The following KATNAL2 variants were observed in gnomAD, a reference collection of about 807,000 sequenced individuals.
KATNAL2 encodes the protein katanin catalytic subunit A1 like 2, also known as katanin p60 ATPase-containing subunit A-like 2.
In KATNAL2, 52 loss-of-function variants were observed where a neutral mutation model predicts 76.3. The ratio of observed to expected loss-of-function variants is 0.68; its 90% confidence interval spans 0.55 to 0.86. The LOEUF (loss-of-function observed/expected upper bound fraction) is 0.86. Ranked by LOEUF, KATNAL2 falls within the 40% of genes least tolerant of loss-of-function variation. The pLI, the probability that KATNAL2 is intolerant of heterozygous loss-of-function variation, is 0.00. For synonymous variants in KATNAL2, 243 were observed against 244.2 expected (o/e 1.00, Z 0.05); for missense variants, 660 against 668.9 (o/e 0.99, Z 0.15).
chr18:47,092,417 T>C (rs1225901099), intron 15 of KATNAL2, among the ~76,000 whole-genome samples: 1 of 152,130 alleles, frequency 6.6e-6, no homozygotes, highest in Non-Finnish European at 1.5e-5. Flanking sequence ...GAGAATTGCT[T>C]GAACCTGGGA....
At chr18:47,040,401 G>A (rs1359996751) in intron 3 of KATNAL2, among the ~76,000 whole-genome samples, 2 of 152,184 alleles carry the variant, frequency 1.3e-5, no homozygotes, top group Non-Finnish European at 2.9e-5. Context: ...CTCTGGTCTG[G>A]AGTGAATATA....
chr18:46,921,696 A>AC (rs891506834), intron 1 of KATNAL2, among the ~76,000 whole-genome samples: 1 of 148,238 alleles, frequency 6.7e-6, no homozygotes, highest in Non-Finnish European at 1.5e-5. Flanking sequence ...CACATAACAA[A>AC]AAAAAAAAAG....
intron 10 of KATNAL2, among the ~76,000 whole-genome samples, chr18:47,063,789 C>T (rs2061706903): frequency 6.6e-6 from 1 of 152,118 alleles, no homozygotes; most frequent in Admixed American, 6.5e-5. Context: ...ACACAATTAG[C>T]AGGAAAGACT....
intron 8 of KATNAL2, 119 bp downstream of exon 8, chr18:47,059,773 G>A: frequency 1.4e-6 from 1 of 730,330 alleles, no homozygotes; most frequent in South Asian, 1.7e-5. Flanking sequence ...TTTGAAGGTT[G>A]GCTGTGAGGT....
chr18:47,058,427 A>G (rs2061532988), intron 7 of KATNAL2, 75 bp downstream of exon 7: 2 of 869,118 alleles, frequency 2.3e-6, no homozygotes, highest in Non-Finnish European at 3.7e-6. Flanking sequence ...GGTCACATTT[A>G]TTTATTTTTT....
At position 46,935,012 on chromosome 18, in the gene KATNAL2, C is replaced by T. The variant is rs540713435; in HGVS notation, c.-509-11045C>T. Among the ~76,000 whole-genome samples the T allele has an allele frequency of 2.0e-5, 3 of 152,032 alleles. No homozygotes were observed. The South Asian group carries it at 6.2e-4, about 32-fold the overall frequency. ...ATAAATAATTTGCTCAAAAAATGAC[C>T]AGTATTTAGTCAAAAATTAGCAGAC... is the stretch of plus-strand genomic sequence containing the variant. On this transcript the variant is annotated intron_variant, in intron 1 of 17. Coordinates refer to ENST00000683218, the MANE Select transcript of KATNAL2 (RefSeq NM_001387690.1).
intron 3 of KATNAL2, among the ~76,000 whole-genome samples, chr18:46,948,667 A>G (rs1402139271): frequency 6.6e-6 from 1 of 151,974 alleles, no homozygotes; most frequent in Non-Finnish European, 1.5e-5. Context: ...ACCTCAGGTG[A>G]TCCGCCTGCC....
At chr18:47,031,438 G>T (rs563085980) in intron 3 of KATNAL2, among the ~76,000 whole-genome samples, 4 of 151,900 alleles carry the variant, frequency 2.6e-5, no homozygotes, top group Admixed American at 6.5e-5. Flanking sequence ...TGTGTGTGTT[G>T]TGGTGGGGGC....
intron 11 of KATNAL2, 125 bp from the exon 12 acceptor site, chr18:47,069,095 A>C: frequency 1.5e-6 from 1 of 670,764 alleles, no homozygotes. Context: ...ACCTTAAGCA[A>C]AAAAGGGAGC....
intron 7 of KATNAL2, 92 bp downstream of exon 7, chr18:47,058,444 C>G (rs559859237): frequency 6.7e-6 from 5 of 740,914 alleles, no homozygotes; most frequent in Admixed American, 2.4e-5. Flanking sequence ...TTTTGAGGAC[C>G]TACGCTTTTA....
chr18:46,950,983 G>A (rs900465218), intron 3 of KATNAL2, among the ~76,000 whole-genome samples: 2 of 151,836 alleles, frequency 1.3e-5, no homozygotes, highest in East Asian at 1.9e-4. Context: ...CGTGCCCGGC[G>A]ATGTTCATAC....
At chr18:46,928,669 C>T (rs1172967180) in intron 1 of KATNAL2, among the ~76,000 whole-genome samples, 3 of 152,178 alleles carry the variant, frequency 2.0e-5, no homozygotes, top group Admixed American at 2.0e-4. Context: ...GAGATGTGGA[C>T]CGGAGCTGTT....
At chr18:47,072,586 T>C (rs1399178164) in intron 13 of KATNAL2, among the ~76,000 whole-genome samples, 2 of 152,120 alleles carry the variant, frequency 1.3e-5, no homozygotes, top group Non-Finnish European at 2.9e-5. Flanking sequence ...GCTGAGACTA[T>C]AGGTGCACAC....
intron 1 of KATNAL2, among the ~76,000 whole-genome samples, chr18:46,930,149 T>G (rs570051666): frequency 1.3e-5 from 2 of 152,210 alleles, no homozygotes; most frequent in Admixed American, 6.5e-5. Context: ...GGTTAATAAC[T>G]TTTCAATGAT....
Position 47,058,252 on chromosome 18 carries a change from G to T in KATNAL2, c.350G>T (p.Cys117Phe). The T allele has an allele frequency of 6.2e-7, 1 of 1,613,534 alleles. No homozygotes were observed. Among genetic ancestry groups the T allele is most frequent in the South Asian group, 1.1e-5 (1 of 91,060 alleles). The part of the protein sequence containing the change: ...GKTRRMMNDS[C>F]QNLPKINQQR... The stretch of plus-strand genomic sequence containing the variant: ...TCCCTTAGGATGATGAACGACAGTT[G>T]TCAAAATCTTCCCAAGATCAATCAG... The change falls in exon 7 of 18, where the codon TGT becomes TTT. Residue 117 changes from cysteine (C) to phenylalanine (F), a missense_variant. By Grantham distance (205) the Cys-to-Phe change is radical. Transcript: ENST00000683218.
chr18:47,079,853 C>T (rs1054268968), intron 15 of KATNAL2, among the ~76,000 whole-genome samples: 8 of 152,114 alleles, frequency 5.3e-5, no homozygotes, highest in African/African-American at 1.7e-4. Flanking sequence ...ACTTCATAGG[C>T]GATGCTGTGC....
At position 47,033,564 on chromosome 18, in the gene KATNAL2, C is replaced by G. The variant is rs9950403; in HGVS notation, c.52-12893C>G. The G allele has an allele frequency of 1.1e-4, 184 of 1,614,176 alleles. No individual in the cohort carries two copies. The African/African-American group carries it at 2.0e-3, about 18-fold the overall frequency. ...CGTGATTGTCTTTCTTTCTGCGATA[C>G]AGCTGATCGGGCCTCCACCCTTCCA... On this transcript the variant is annotated intron_variant, in intron 3 of 17. Transcript: ENST00000683218.
In KATNAL2 at chr18:46,946,943, A is replaced by C. The variant is rs2059398098; in HGVS notation, c.51+20A>C. 6.9e-7 allele frequency: 1 copy of C among 1,448,572 alleles called. No homozygotes were observed. Among genetic ancestry groups the C allele is most frequent in the South Asian group, 1.2e-5 (1 of 82,360 alleles). 89.7% of individuals were successfully genotyped at this position (1,448,572 alleles called of 1,614,324 possible). A position where few individuals can be genotyped will look rare whatever the true frequency, so the allele number is the denominator to read the frequency against. ...GAAGCGGTAAGGAACGCATATATAA[A>C]ACATGATTATACCAAGAACCCCTCT... On this transcript the variant is annotated intron_variant, in intron 3 of 17. Coordinates refer to ENST00000683218, the MANE Select transcript of KATNAL2 (RefSeq NM_001387690.1).
chr18:46,950,261 G>A (rs1321683431), intron 3 of KATNAL2, among the ~76,000 whole-genome samples: 2 of 152,200 alleles, frequency 1.3e-5, no homozygotes, highest in Admixed American at 6.5e-5. Flanking sequence ...ATGGCGCTAA[G>A]AGCAATATTT....
Sources: gnomAD v4.1 joint callset for allele counts (sites outside exome capture counted in the v4.1 genomes callset) on GRCh38, gnomAD v4.1.1 for gene constraint, MANE v1.5 for transcripts, NCBI Gene and HGNC (gene_info 2026-07-23, HGNC 2026-07-21) for gene names.